Variants in ZMYM4 observed in about 807,000 individuals in gnomAD.
ZMYM4 encodes zinc finger MYM-type protein 4.
ZMYM4 carries 31 observed loss-of-function variants against 183.2 expected under a neutral mutation model. The ratio of observed to expected loss-of-function variants is 0.17; its 90% CI spans 0.13 to 0.23. The LOEUF is 0.23. Among genes scored for constraint, ZMYM4 ranks in the 10% least tolerant of loss-of-function variants. The pLI, the probability that ZMYM4 is intolerant of heterozygous loss-of-function variation, is 1.00. For missense variants in ZMYM4, 1,273 were observed against 1,840.3 expected (o/e 0.69, Z 5.64); for synonymous variants, 592 against 631.2 (o/e 0.94, Z 0.93).
chr1:35,303,378 C>T (rs1017048300), intron 1 of ZMYM4, among the ~76,000 whole-genome samples: 3 of 151,324 alleles, frequency 2.0e-5, no homozygotes, highest in Admixed American at 6.6e-5. Context: ...GGTGATCTCT[C>T]TTTCATTCCT....
chr1:35,314,325 C>T (rs1192929506), intron 1 of ZMYM4, among the ~76,000 whole-genome samples: 1 of 151,906 alleles, frequency 6.6e-6, no homozygotes, highest in African/African-American at 2.4e-5. Context: ...TGCTCTGTCT[C>T]CCAGGCTGGA....
At chr1:35,274,178 A>G (rs1317433899) in intron 1 of ZMYM4, among the ~76,000 whole-genome samples, 2 of 152,210 alleles carry the variant, frequency 1.3e-5, no homozygotes, top group Non-Finnish European at 2.9e-5. Context: ...TATGTATGCA[A>G]TGTGAATAAT....
chr1:35,269,121 G>A (rs1639458773), intron 1 of ZMYM4, 36 bp downstream of exon 1: 11 of 1,543,906 alleles, frequency 7.1e-6, no homozygotes, highest in East Asian at 2.5e-5. Context: ...GCGGCGGGGG[G>A]CGGGGCGCGG....
At chr1:35,376,526 A>G (rs956054914) in intron 7 of ZMYM4, among the ~76,000 whole-genome samples, 5 of 150,544 alleles carry the variant, frequency 3.3e-5, no homozygotes, top group African/African-American at 1.2e-4. Flanking sequence ...AAAATTATTT[A>G]TACTTCTTTT....
chr1:35,294,789 C>CA (rs1360743407), intron 1 of ZMYM4, among the ~76,000 whole-genome samples: 2 of 151,472 alleles, frequency 1.3e-5, no homozygotes, highest in African/African-American at 2.4e-5. Flanking sequence ...CAAGCGTAAA[C>CA]AAAAAAAATT....
At chr1:35,372,247 A>T (rs1174135990) in intron 7 of ZMYM4, among the ~76,000 whole-genome samples, 2 of 152,222 alleles carry the variant, frequency 1.3e-5, no homozygotes, top group Admixed American at 1.3e-4. Context: ...ATAAAAGGGA[A>T]TTTAAAAAAT....
At chr1:35,316,949 C>T (rs1642071543) in intron 1 of ZMYM4, among the ~76,000 whole-genome samples, 2 of 150,984 alleles carry the variant, frequency 1.3e-5, no homozygotes, top group African/African-American at 2.4e-5. Flanking sequence ...TGGTGAAACC[C>T]TGTCTCTACT....
At chr1:35,362,261 TA>T (rs1643955394) in intron 5 of ZMYM4, among the ~76,000 whole-genome samples, 1 of 152,134 alleles carries the variant, frequency 6.6e-6, no homozygotes, top group Non-Finnish European at 1.5e-5. Context: ...GATTAGTGGA[TA>T]GAAGGTAAAG....
chr1:35,270,895 C>A (rs1030676843), intron 1 of ZMYM4, among the ~76,000 whole-genome samples: 1 of 152,096 alleles, frequency 6.6e-6, no homozygotes, highest in Non-Finnish European at 1.5e-5. Context: ...GTGTTTTGAA[C>A]AATAAATTTT....
chr1:35,278,578 G>A (rs556654274), intron 1 of ZMYM4, among the ~76,000 whole-genome samples: 5 of 152,000 alleles, frequency 3.3e-5, no homozygotes, highest in East Asian at 1.9e-4. Context: ...GGAGCGTGCC[G>A]CCATGCCTGG....
chr1:35,392,400 C>T (rs757838423), intron 16 of ZMYM4, 48 bp downstream of exon 16: 2 of 1,578,220 alleles, frequency 1.3e-6, no homozygotes, highest in South Asian at 1.2e-5. Context: ...AGGTTGAATG[C>T]AGTGGTCCCC....
chr1:35,398,383 A>C (rs925001755), intron 20 of ZMYM4, 30 bp from the exon 21 acceptor site: 1 of 1,595,304 alleles, frequency 6.3e-7, no homozygotes, highest in African/African-American at 1.4e-5. Flanking sequence ...TCTAAACATA[A>C]ATTATTTATG....
chr1:35,395,105 T>C (rs1354365447), intron 18 of ZMYM4, among the ~76,000 whole-genome samples: 2 of 152,150 alleles, frequency 1.3e-5, no homozygotes, highest in Admixed American at 1.3e-4. Flanking sequence ...CAGTGAGGCC[T>C]GAGATTTTGC....
At chr1:35,386,240 A>G (rs539594912) in intron 11 of ZMYM4, 51 bp downstream of exon 11, 7 of 1,342,070 alleles carry the variant, frequency 5.2e-6, no homozygotes, top group African/African-American at 1.4e-5. Flanking sequence ...CACCTACTGT[A>G]TGAGTCTGTT....
At position 35,389,929 on chromosome 1, in the gene ZMYM4, A is replaced by AC. The variant is rs763434312; in HGVS notation, c.2437-18dup. 9.4e-6 allele frequency: 15 copies of AC among 1,596,246 alleles called. No individual in the cohort carries two copies. The Admixed American group carries it at 1.2e-4, about 13-fold the overall frequency. On this transcript the variant is annotated intron_variant, in intron 14 of 29. Transcript: ENST00000314607. This position sits in a 1 kb window ranked among gnomAD's most constrained non-coding sequence, Gnocchi z 4.0. Reference sequence around the variant, plus strand: ...CAGATAATTTGTTTCTTACTCCTTGACTACCTTCTTCTTTTTAGATGGCCA... The same window carrying AC: ...CAGATAATTTGTTTCTTACTCCTTGACCTACCTTCTTCTTTTTAGATGGCCA...
intron 5 of ZMYM4, among the ~76,000 whole-genome samples, chr1:35,365,235 A>G (rs977089432): frequency 6.7e-6 from 1 of 149,570 alleles, no homozygotes; most frequent in Non-Finnish European, 1.5e-5. Context: ...GTCATAATCA[A>G]AGTCTTTTTT....
At chr1:35,341,509 T>C (rs1326780316) in intron 2 of ZMYM4, among the ~76,000 whole-genome samples, 1 of 152,034 alleles carries the variant, frequency 6.6e-6, no homozygotes, top group Non-Finnish European at 1.5e-5. Flanking sequence ...ATGTAAAAAT[T>C]TTTATTTTTT....
chr1:35,387,741 C>A, intron 13 of ZMYM4, 137 bp downstream of exon 13: 2 of 865,636 alleles, frequency 2.3e-6, no homozygotes, highest in Non-Finnish European at 3.4e-6. Context: ...GATTCATTTA[C>A]ACTTAGTTCA....
chr1:35,363,240 A>G (rs185715513), intron 5 of ZMYM4, among the ~76,000 whole-genome samples: 24 of 152,216 alleles, frequency 1.6e-4, no homozygotes, highest in African/African-American at 4.8e-4. Context: ...ATGGCCTTCC[A>G]AAGTGTTGGG....
Sources: gnomAD v4.1 joint callset for allele counts (sites outside exome capture counted in the v4.1 genomes callset) on GRCh38, gnomAD v4.1.1 for gene constraint, Gnocchi (gnomAD v3.1) non-coding constraint, MANE v1.5 for transcripts, NCBI Gene and HGNC (gene_info 2026-07-23, HGNC 2026-07-21) for gene names.